Variants in COL4A2 observed in about 807,000 individuals in gnomAD.
The protein encoded by COL4A2 is collagen type IV alpha 2 chain, also known as collagen alpha-2(IV) chain.
In COL4A2, 99 loss-of-function variants were observed where a neutral mutation model predicts 200.2. The ratio of observed to expected loss-of-function variants is 0.49; its 90% confidence interval spans 0.42 to 0.58. The LOEUF (loss-of-function observed/expected upper bound fraction) is 0.58. Ranked by LOEUF, COL4A2 falls within the 20% of genes least tolerant of loss-of-function variation. COL4A2 has a pLI of 0.00. For missense variants in COL4A2, 1,950 were observed against 2,314.1 expected (o/e 0.84, Z 3.23); for synonymous variants, 897 against 900.6 (o/e 1.00, Z 0.07).
intron 3 of COL4A2, among the ~76,000 whole-genome samples, chr13:110,321,780 G>C (rs9521693): frequency 0.13 from 19,507 of 152,226 alleles, 1,558 homozygotes; most frequent in Non-Finnish European, 0.18. Flanking sequence ...TTACATGGAT[G>C]GCAGCAGGCA....
intron 6 of COL4A2, 134 bp downstream of exon 6, chr13:110,425,131 C>G: frequency 2.1e-6 from 2 of 974,398 alleles, no homozygotes; most frequent in Non-Finnish European, 3.1e-6. Context: ...ACTATACGTG[C>G]GTATTCTCCC....
At chr13:110,452,166 G>A (rs778652029) in intron 20 of COL4A2, among the ~76,000 whole-genome samples, 3 of 150,834 alleles carry the variant, frequency 2.0e-5, no homozygotes, top group Admixed American at 1.3e-4. Context: ...ACGGAGTCTC[G>A]CCTGTCACCC....
intron 29 of COL4A2, among the ~76,000 whole-genome samples, chr13:110,474,863 A>T (rs1594095407): frequency 3.1e-5 from 4 of 126,996 alleles, no homozygotes; most frequent in South Asian, 5.1e-4. Flanking sequence ...ATGATCACAC[A>T]CTCCATACAC....
intron 4 of COL4A2, among the ~76,000 whole-genome samples, chr13:110,388,824 C>A (rs1878873294): frequency 6.6e-6 from 1 of 152,220 alleles, no homozygotes; most frequent in African/African-American, 2.4e-5. Context: ...TCCGGGACCT[C>A]CCCCTGCCTC....
chr13:110,458,925 A>T lies in COL4A2; in HGVS notation c.1587A>T (p.Pro529=), dbSNP rs771740512. 1.9e-5 allele frequency: 30 copies of T among 1,568,258 alleles called. 1 individual carries two copies. The South Asian group carries it at 3.6e-4, about 19-fold the overall frequency. ...DPGQHGLPGF[P]GLKGVPGNIG... ...GCCAACACGGCCTCCCTGGGTTCCC[A>T]GGGCTCAAGGTGAGGAGCAATTTCA... The change falls in exon 22 of 48, where the codon CCA becomes CCT. Residue 529 remains proline, a synonymous_variant. Transcript: ENST00000360467.
intron 40 of COL4A2, among the ~76,000 whole-genome samples, chr13:110,495,859 T>C (rs1247712195): frequency 6.6e-6 from 1 of 152,140 alleles, no homozygotes; most frequent in Non-Finnish European, 1.5e-5. Flanking sequence ...GGGTAGGAAA[T>C]GCCCAGAAAC....
chr13:110,491,357 C>T lies in COL4A2; in HGVS notation c.3454+17C>T, dbSNP rs781318090. The T allele has an allele frequency of 7.9e-6, 12 of 1,517,906 alleles. No individual in the cohort carries two copies. The highest frequency in any genetic ancestry group is 1.1e-5 in the Non-Finnish European group (12 of 1,111,276). 94.0% of individuals were successfully genotyped at this position (1,517,906 alleles called of 1,614,324 possible). A position where few individuals can be genotyped will look rare whatever the true frequency, so the allele number is the denominator to read the frequency against. ...GACAAACAGGTAAAATCTCCCGCAG[C>T]CACACAGCCTTCCTCAGGCAGGCCC... On this transcript the variant is annotated intron_variant, in intron 37 of 47. Transcript: ENST00000360467.
At chr13:110,311,658 G>A (rs993154793) in intron 3 of COL4A2, among the ~76,000 whole-genome samples, 12 of 152,148 alleles carry the variant, frequency 7.9e-5, no homozygotes, top group East Asian at 1.9e-4. Flanking sequence ...ACTTCCCCTC[G>A]GCTGCCTATT....
intron 20 of COL4A2, among the ~76,000 whole-genome samples, chr13:110,451,022 C>G (rs1181066967): frequency 6.6e-6 from 1 of 152,218 alleles, no homozygotes; most frequent in Non-Finnish European, 1.5e-5. Context: ...TCCCCCAAGG[C>G]CCAGACAAAT....
Position 110,450,747 on chromosome 13 carries a change from G to A in COL4A2, c.1339+293G>A, listed in dbSNP as rs74124353. On this transcript the variant is annotated intron_variant, in intron 20 of 47. Transcript: ENST00000360467. ...GCTTCGGTGAAATCCATCCTTCAGC[G>A]AAACATCTGAGCTGCGCAGTCTGGA... is the stretch of plus-strand genomic sequence containing the variant. Among the ~76,000 whole-genome samples, 194 of 152,328 alleles carry A rather than the reference G, an allele frequency of 1.3e-3. 2 individuals carry two copies. Among genetic ancestry groups the A allele is most frequent in the African/African-American group, 4.5e-3 (189 of 41,570 alleles).
chr13:110,310,684 C>G (rs4773145), intron 3 of COL4A2, among the ~76,000 whole-genome samples: 1 of 151,888 alleles, frequency 6.6e-6, no homozygotes, highest in Non-Finnish European at 1.5e-5. Context: ...CTCTTTCCTG[C>G]GTAGGTCAGT....
In COL4A2 at chr13:110,508,164, C is replaced by T; in HGVS notation, c.4824C>T (p.Ser1608=). The change falls in exon 47 of 48, where the codon TCC becomes TCT. Residue 1608 remains serine (S), a synonymous_variant. Transcript: ENST00000360467. This position sits in a 1 kb window ranked among gnomAD's most constrained non-coding sequence, Gnocchi z 6.1. ...IAIAVHSQDV[S]IPHCPAGWRS... ...TCGCGGTCCACAGTCAGGATGTCTC[C>T]ATCCCACACTGCCCAGCTGGGTGGC... is the stretch of plus-strand genomic sequence containing the variant. 1.2e-6 allele frequency: 2 copies of T among 1,614,278 alleles called. No individual in the cohort carries two copies. The highest frequency in any genetic ancestry group is 1.7e-6 in the Non-Finnish European group (2 of 1,180,050).
intron 4 of COL4A2, among the ~76,000 whole-genome samples, chr13:110,382,427 A>T (rs1014531424): frequency 6.6e-6 from 1 of 152,244 alleles, no homozygotes; most frequent in Non-Finnish European, 1.5e-5. Flanking sequence ...TATGAATCAC[A>T]TAGCAGTAAA....
In COL4A2 at chr13:110,485,762, C is replaced by T; in HGVS notation, c.3133C>T (p.Pro1045Ser). ...VKGDIGVPGI[P>S]GLPGFPGVAG... is the part of the protein sequence containing the mutation. ...GGGAGACATCGGAGTCCCCGGCATC[C>T]CCGGTTTGCCAGGATTCCCTGGGGT... The change falls in exon 34 of 48, where the codon CCC becomes TCC. Residue 1045 changes from proline to serine, a missense_variant. Transcript: ENST00000360467. 1 of 1,613,920 alleles carries T rather than the reference C, an allele frequency of 6.2e-7. No homozygotes were observed.
chr13:110,367,179 C>T (rs1367075445), intron 4 of COL4A2, among the ~76,000 whole-genome samples: 1 of 152,180 alleles, frequency 6.6e-6, no homozygotes, highest in African/African-American at 2.4e-5. Context: ...AAATCCCCAC[C>T]GTAGGAACAA....
chr13:110,360,787 C>A (rs1288149912), intron 4 of COL4A2, among the ~76,000 whole-genome samples: 1 of 139,370 alleles, frequency 7.2e-6, no homozygotes, highest in African/African-American at 2.6e-5. Context: ...CAAACGATAC[C>A]CGCCCCCCAC....
chr13:110,438,166 C>G (rs973725087), intron 14 of COL4A2, 129 bp downstream of exon 14: 1 of 712,544 alleles, frequency 1.4e-6, no homozygotes, highest in Non-Finnish European at 2.5e-6. Flanking sequence ...TTGTCCATAG[C>G]AGAACAGTAT....
intron 3 of COL4A2, among the ~76,000 whole-genome samples, chr13:110,330,249 C>T (rs1039726292): frequency 3.9e-5 from 6 of 152,260 alleles, no homozygotes; most frequent in Non-Finnish European, 8.8e-5. Context: ...GGTATTATAA[C>T]GGTCACTAAG....
chr13:110,392,687 A>C (rs1456955289), intron 4 of COL4A2, among the ~76,000 whole-genome samples: 2 of 152,108 alleles, frequency 1.3e-5, no homozygotes, highest in Admixed American at 6.5e-5. Flanking sequence ...CTTGCTTTAA[A>C]ATCCTCTCCC....
Sources: allele counts gnomAD v4.1 joint callset (sites outside exome capture counted in the v4.1 genomes callset), GRCh38; gene constraint gnomAD v4.1.1; non-coding constraint Gnocchi (gnomAD v3.1); transcripts MANE v1.5; gene names NCBI Gene and HGNC (gene_info 2026-07-23, HGNC 2026-07-21).